Variants in DPYSL5 observed in about 807,000 individuals in gnomAD.
DPYSL5 encodes dihydropyrimidinase-related protein 5.
A neutral mutation model predicts 58.4 loss-of-function variants in DPYSL5; 9 were observed. The ratio of observed to expected loss-of-function variants is 0.15; its 90% CI spans 0.09 to 0.27. DPYSL5 has a LOEUF of 0.27. Among genes scored for constraint, DPYSL5 ranks in the 10% least tolerant of loss-of-function variants. The pLI is 1.00. For missense variants in DPYSL5, 499 were observed against 770.6 expected, an observed-to-expected ratio of 0.65 and a Z score of 4.17; for synonymous variants, 293 against 301.9, an observed-to-expected ratio of 0.97 and a Z score of 0.31.
chr2:26,873,641 A>G (rs913602257), intron 1 of DPYSL5, among the ~76,000 whole-genome samples: 1 of 152,250 alleles, frequency 6.6e-6, no homozygotes, highest in Non-Finnish European at 1.5e-5. Flanking sequence ...TGCAGGCGAA[A>G]TCCAGGCTTG....
In DPYSL5 at chr2:26,926,157, G is replaced by A. The variant is rs540394666; in HGVS notation, c.421-1096G>A. The stretch of plus-strand genomic sequence containing the variant: ...TAACCTAAAGCCTCACTATATTTCT[G>A]CCCTCGGGTCTTAGCCTTGAGCTGG... On this transcript the variant is annotated intron_variant, in intron 3 of 12. Transcript: ENST00000288699. 3.3e-4 allele frequency among the ~76,000 whole-genome samples: 50 copies of A among 152,306 alleles called. No individual in the cohort carries two copies. The South Asian group carries it at 0.01, about 31-fold the overall frequency.
At chr2:26,864,760 C>T (rs1249670069) in intron 1 of DPYSL5, among the ~76,000 whole-genome samples, 1 of 152,146 alleles carries the variant, frequency 6.6e-6, no homozygotes, top group African/African-American at 2.4e-5. Context: ...ACTTGGCTGG[C>T]CTGTGAGAGC....
Position 26,947,955 on chromosome 2 carries a change from G to C in DPYSL5, c.*960G>C, listed in dbSNP as rs1351041490. 1 of 152,468 alleles carries C rather than the reference G, an allele frequency of 6.6e-6. No individual in the cohort carries two copies. The highest frequency in any genetic ancestry group is 2.4e-5 in the African/African-American group (1 of 41,354). The allele number at this position is 152,468 out of a possible 1,614,324, so 9.4% of individuals were successfully genotyped here. ...TTGTCTAGTTTCCCACATTCCAAAA[G>C]GGGGCCTGGGATGCTAGCCCCAGAG... On this transcript the variant is annotated 3_prime_UTR_variant, in exon 13 of 13. Transcript: ENST00000288699. The surrounding 1 kb of genome is among the most constrained non-coding windows in gnomAD (Gnocchi z 4.2).
At chr2:26,908,272 C>G (rs1664349997) in intron 2 of DPYSL5, among the ~76,000 whole-genome samples, 2 of 152,122 alleles carry the variant, frequency 1.3e-5, no homozygotes, top group South Asian at 2.1e-4. Flanking sequence ...TCCTAGCGTT[C>G]GAATTTCTGT....
intron 1 of DPYSL5, among the ~76,000 whole-genome samples, chr2:26,872,751 G>A (rs992675174): frequency 7.2e-5 from 11 of 151,846 alleles, no homozygotes; most frequent in East Asian, 1.9e-4. Context: ...TAAAAATGGC[G>A]TGAGCCAAGA....
At chr2:26,851,798 A>G (rs1665763845) in intron 1 of DPYSL5, among the ~76,000 whole-genome samples, 1 of 152,144 alleles carries the variant, frequency 6.6e-6, no homozygotes, top group South Asian at 2.1e-4. Context: ...CAAAAAAATT[A>G]GCCTGACGTG....
chr2:26,906,727 C>T (rs182038364), intron 2 of DPYSL5, among the ~76,000 whole-genome samples: 1 of 152,174 alleles, frequency 6.6e-6, no homozygotes. Context: ...TACATCTCCA[C>T]TCCACCTATT....
chr2:26,892,768 AGAG>A (rs1663920231), intron 1 of DPYSL5, among the ~76,000 whole-genome samples: 1 of 151,070 alleles, frequency 6.6e-6, no homozygotes, highest in Non-Finnish European at 1.5e-5. Context: ...AGAGAGAGAG[AGAG>A]AGAGAGAGAG....
Position 26,927,216 on chromosome 2 carries a change from G to C in DPYSL5, c.421-37G>C. 6.3e-7 allele frequency: 1 copy of C among 1,587,064 alleles called. No homozygotes were observed. The highest frequency in any genetic ancestry group is 8.6e-7 in the Non-Finnish European group (1 of 1,164,306). ...CTGCCAGTCGGCCTCTTGGGTGTCT[G>C]CCCTCACGCAGCATTGCCCTTCTAC... On this transcript the variant is annotated intron_variant, in intron 3 of 12. Coordinates refer to ENST00000288699, the MANE Select transcript of DPYSL5 (RefSeq NM_020134.4). The surrounding 1 kb of genome is among the most constrained non-coding windows in gnomAD (Gnocchi z 4.3).
chr2:26,913,797 T>C (rs1020889087), intron 2 of DPYSL5, among the ~76,000 whole-genome samples: 9 of 152,160 alleles, frequency 5.9e-5, no homozygotes, highest in Admixed American at 5.9e-4. Context: ...TGGGACTCGC[T>C]GATCTGCCAT....
chr2:26,932,853 A>G (rs1354304901), intron 6 of DPYSL5, among the ~76,000 whole-genome samples: 1 of 152,226 alleles, frequency 6.6e-6, no homozygotes, highest in Non-Finnish European at 1.5e-5. Context: ...GACAGCAGGC[A>G]TCGTAATTTT....
At chr2:26,941,039 C>T (rs1665310447) in intron 9 of DPYSL5, among the ~76,000 whole-genome samples, 1 of 151,660 alleles carries the variant, frequency 6.6e-6, no homozygotes, top group South Asian at 2.1e-4. Flanking sequence ...CGGGTTCAAG[C>T]GGTTCTCCTG....
rs947015644 is a variant in DPYSL5, at chr2:26,919,586, A to G, written c.262-5301A>G. ...TCAGGATAAAAACAAATTTCCACCT[A>G]TACAATGGGAAATGCTTGGCTGGAC... is the stretch of plus-strand genomic sequence containing the variant. On this transcript the variant is annotated intron_variant, in intron 2 of 12. Transcript: ENST00000288699. Among the ~76,000 whole-genome samples the G allele has an allele frequency of 3.3e-5, 5 of 152,332 alleles. No homozygotes were observed. The East Asian group carries it at 9.6e-4, about 29-fold the overall frequency.
At chr2:26,926,765 G>A (rs1664838269) in intron 3 of DPYSL5, among the ~76,000 whole-genome samples, 1 of 152,158 alleles carries the variant, frequency 6.6e-6, no homozygotes, top group Non-Finnish European at 1.5e-5. Flanking sequence ...TTGCTTCCAT[G>A]TTTTTCCTAG....
chr2:26,858,406 C>T (rs1480487304), intron 1 of DPYSL5, among the ~76,000 whole-genome samples: 1 of 152,012 alleles, frequency 6.6e-6, no homozygotes. Context: ...CTCCTGACCT[C>T]GTGATCTGCC....
Position 26,924,082 on chromosome 2 carries a change from G to T in DPYSL5, c.262-805G>T, listed in dbSNP as rs1479033312. 6.6e-6 allele frequency among the ~76,000 whole-genome samples: 1 copy of T among 152,214 alleles called. No homozygotes were observed. The highest frequency in any genetic ancestry group is 1.5e-5 in the Non-Finnish European group (1 of 68,042). ...CCCTGATGAAATTCACTTTTAAAAAGTTGAGTGGGGGAATCTCTAATACAG... is the reference window on the plus strand; with the variant it reads ...CCCTGATGAAATTCACTTTTAAAAATTTGAGTGGGGGAATCTCTAATACAG... On this transcript the variant is annotated intron_variant, in intron 2 of 12. Coordinates refer to ENST00000288699, the MANE Select transcript of DPYSL5 (RefSeq NM_020134.4). The surrounding 1 kb of genome is among the most constrained non-coding windows in gnomAD (Gnocchi z 4.7).
Position 26,888,492 on chromosome 2 carries a change from A to C in DPYSL5, c.-4-10004A>C, listed in dbSNP as rs1024946720. Among the ~76,000 whole-genome samples the C allele has an allele frequency of 5.9e-5, 9 of 152,166 alleles. No individual in the cohort carries two copies. The South Asian group carries it at 1.9e-3, about 32-fold the overall frequency. ...TCACTATATTATCCAGGATGGTCTC[A>C]AATTTCTGACCTCAGGTGATCCACC... On this transcript the variant is annotated intron_variant, in intron 1 of 12. Transcript: ENST00000288699.
At chr2:26,916,428 T>G (rs1172839799) in intron 2 of DPYSL5, among the ~76,000 whole-genome samples, 1 of 152,148 alleles carries the variant, frequency 6.6e-6, no homozygotes, top group Non-Finnish European at 1.5e-5. Context: ...CAGTGTGGCC[T>G]GACTCCTCTC....
Position 26,931,199 on chromosome 2 carries a change from G to GTATATATATATATATA in DPYSL5, c.670-440_670-439insATATATATATATATAT, listed in dbSNP as rs1287075956. On this transcript the variant is annotated intron_variant, in intron 5 of 12. Transcript: ENST00000288699. ...TGTGTGTGTGTGTGTGTGTGTGTGT[G>GTATATATATATATATA]TGTGTATATATATATATATATATAT... 1.7e-3 allele frequency among the ~76,000 whole-genome samples: 90 copies of GTATATATATATATATA among 52,826 alleles called. 1 individual carries two copies. Among genetic ancestry groups the GTATATATATATATATA allele is most frequent in the African/African-American group, 2.2e-3 (36 of 16,504 alleles). The allele number at this position is 52,826 out of a possible 152,430, so 34.7% of individuals were successfully genotyped here.
Sources: gnomAD v4.1 joint callset for allele counts (sites outside exome capture counted in the v4.1 genomes callset) on GRCh38, gnomAD v4.1.1 for gene constraint, Gnocchi (gnomAD v3.1) non-coding constraint, MANE v1.5 for transcripts, NCBI Gene and HGNC (gene_info 2026-07-23, HGNC 2026-07-21) for gene names.